Variants in TMEM232 observed in about 807,000 individuals in gnomAD.
TMEM232 encodes transmembrane protein 232.
In TMEM232, 80 loss-of-function variants were observed where a neutral mutation model predicts 78.8. The observed-to-expected ratio is 1.01, with a 90% CI of 0.85 to 1.22. The LOEUF (loss-of-function observed/expected upper bound fraction) is 1.22. Among genes scored for constraint, TMEM232 ranks in the 50% most tolerant of loss-of-function variants. The probability of loss-of-function intolerance (pLI) is 0.00; values close to 1 mark genes in which losing one functional copy is unlikely to be tolerated. For missense variants in TMEM232, 881 were observed against 742.2 expected, an observed-to-expected ratio of 1.19 and a Z score of -2.17; for synonymous variants, 297 against 254.3, an observed-to-expected ratio of 1.17 and a Z score of -1.60.
At chr5:110,542,896 T>C (rs1358430479) in intron 11 of TMEM232, among the ~76,000 whole-genome samples, 1 of 152,096 alleles carries the variant, frequency 6.6e-6, no homozygotes, top group East Asian at 1.9e-4. Context: ...CACTACTTCA[T>C]TTACATAGGG....
At position 110,606,129 on chromosome 5, in the gene TMEM232, C is replaced by T. The variant is rs749053534; in HGVS notation, c.1026+35G>A. 100 of 1,513,876 alleles carry T rather than the reference C, an allele frequency of 6.6e-5. 1 individual carries two copies. In the South Asian group the frequency reaches 1.1e-3, roughly 16 times the overall value. The allele number at this position is 1,513,876 out of a possible 1,614,324, so 93.8% of individuals were successfully genotyped here. A position where few individuals can be genotyped will look rare whatever the true frequency, so the allele number is the denominator to read the frequency against. ...GGCAAAAATAAAATCTGTTTCTCTT[C>T]GGTTCTCTTTTCACATATAAATTAG... is the stretch of plus-strand genomic sequence containing the variant. On this transcript the variant is annotated intron_variant, in intron 9 of 13. Coordinates refer to ENST00000455884, the MANE Select transcript of TMEM232 (RefSeq NM_001039763.4).
At chr5:110,672,975 A>G (rs1791556754) in intron 1 of TMEM232, among the ~76,000 whole-genome samples, 1 of 152,176 alleles carries the variant, frequency 6.6e-6, no homozygotes, top group Non-Finnish European at 1.5e-5. Flanking sequence ...AGGATTGTAA[A>G]TCATGCTGCT....
intron 6 of TMEM232, among the ~76,000 whole-genome samples, chr5:110,625,848 GTTA>G (rs1379571252): frequency 6.6e-6 from 1 of 151,716 alleles, no homozygotes; most frequent in African/African-American, 2.4e-5. Context: ...TTCTCAAGAT[GTTA>G]TTATTTACAA....
At chr5:110,734,669 G>A (rs1414112384) in intron 2 of TMEM232, among the ~76,000 whole-genome samples, 3 of 152,124 alleles carry the variant, frequency 2.0e-5, no homozygotes, top group Non-Finnish European at 4.4e-5. Context: ...TCCATTTACT[G>A]TGTGTGTCCC....
chr5:110,396,629 A>C, intron 3 of TMEM232, among the ~76,000 whole-genome samples: 1 of 152,140 alleles, frequency 6.6e-6, no homozygotes, highest in East Asian at 1.9e-4. Flanking sequence ...CAAATCAGTG[A>C]TATGTGATAA....
intron 12 of TMEM232, among the ~76,000 whole-genome samples, chr5:110,526,803 A>G (rs1360685452): frequency 6.6e-6 from 1 of 151,944 alleles, no homozygotes; most frequent in Non-Finnish European, 1.5e-5. Flanking sequence ...AACAACCCAA[A>G]GGCCAACCAA....
At chr5:110,415,905 G>A (rs1328875940), downstream of TMEM232, among the ~76,000 whole-genome samples, 2 of 152,084 alleles carry the variant, frequency 1.3e-5, no homozygotes, top group African/African-American at 4.8e-5. Context: ...CTTCGGAAAT[G>A]TTACTGGAAG....
At chr5:110,652,945 T>C (rs185598421) in intron 2 of TMEM232, among the ~76,000 whole-genome samples, 1 of 152,350 alleles carries the variant, frequency 6.6e-6, no homozygotes, top group East Asian at 1.9e-4. Flanking sequence ...TGAAGTCTCC[T>C]GGTTAAATAG....
At chr5:110,700,811 T>TAGAC (rs1795355289) in intron 1 of TMEM232, among the ~76,000 whole-genome samples, 1 of 151,610 alleles carries the variant, frequency 6.6e-6, no homozygotes, top group African/African-American at 2.4e-5. Flanking sequence ...GATAGATAGA[T>TAGAC]AGATAGATAG....
chr5:110,442,640 G>GT (rs1362827411), intron 12 of TMEM232, among the ~76,000 whole-genome samples: 1 of 151,946 alleles, frequency 6.6e-6, no homozygotes, highest in African/African-American at 2.4e-5. Context: ...TATTTAGTTT[G>GT]TTTGCTGAAG....
At chr5:110,435,925 T>G (rs1037540793) in intron 12 of TMEM232, among the ~76,000 whole-genome samples, 1 of 151,970 alleles carries the variant, frequency 6.6e-6, no homozygotes, top group Admixed American at 6.6e-5. Flanking sequence ...AATATTGGAG[T>G]GTAGATAACT....
chr5:110,706,044 T>A (rs891297833), intron 1 of TMEM232, among the ~76,000 whole-genome samples: 1 of 152,010 alleles, frequency 6.6e-6, no homozygotes, highest in African/African-American at 2.4e-5. Context: ...ACTGGCTTCA[T>A]AGGGAAGTTA....
intron 11 of TMEM232, among the ~76,000 whole-genome samples, chr5:110,544,054 G>A (rs1773480340): frequency 6.6e-6 from 1 of 151,936 alleles, no homozygotes; most frequent in Non-Finnish European, 1.5e-5. Flanking sequence ...TATTTAGCCT[G>A]GCAATGAACA....
intron 1 of TMEM232, among the ~76,000 whole-genome samples, chr5:110,714,795 A>G (rs1020901106): frequency 6.6e-6 from 1 of 152,228 alleles, no homozygotes; most frequent in Non-Finnish European, 1.5e-5. Context: ...TGAGAGATAC[A>G]AATACAATTA....
At chr5:110,596,023 A>G (rs1780116248) in intron 10 of TMEM232, among the ~76,000 whole-genome samples, 1 of 152,218 alleles carries the variant, frequency 6.6e-6, no homozygotes, top group South Asian at 2.1e-4. Context: ...GGGCAGCCAG[A>G]GAGAAAGATC....
downstream of TMEM232, among the ~76,000 whole-genome samples, chr5:110,416,997 T>A (rs1275699581): frequency 6.6e-6 from 1 of 152,158 alleles, no homozygotes; most frequent in Non-Finnish European, 1.5e-5. Flanking sequence ...ATTCTAACAC[T>A]AGTGAAACTT....
intron 3 of TMEM232, among the ~76,000 whole-genome samples, chr5:110,392,514 T>C (rs1042046686): frequency 6.6e-6 from 1 of 152,214 alleles, no homozygotes; most frequent in African/African-American, 2.4e-5. Context: ...TAATGGAGAC[T>C]GAGAAGTCCA....
rs146718781 is a variant in TMEM232 at position 110,408,263 on chromosome 5, A to G, written n.309-10409T>C. Among the ~76,000 whole-genome samples, 929 of 152,274 alleles carry G rather than the reference A, an allele frequency of 6.1e-3. 3 individuals carry two copies. Among genetic ancestry groups the G allele is most frequent in the Non-Finnish European group, 0.011 (735 of 68,010 alleles). On this transcript the variant is annotated intron_variant and non_coding_transcript_variant, in intron 2 of 8. Transcript: ENST00000507188. ...ATTAGTAGAAGGAAAATAATAATAAAGATCAGAGCAGAAATAAATGAAACT... is the reference window on the plus strand; with the variant it reads ...ATTAGTAGAAGGAAAATAATAATAAGGATCAGAGCAGAAATAAATGAAACT...
chr5:110,570,928 T>A (rs1012103284), intron 10 of TMEM232, among the ~76,000 whole-genome samples: 1 of 152,016 alleles, frequency 6.6e-6, no homozygotes, highest in African/African-American at 2.4e-5. Flanking sequence ...CCCCTCTTGC[T>A]AATACACTAC....
Sources: allele counts gnomAD v4.1 joint callset (sites outside exome capture counted in the v4.1 genomes callset), GRCh38; gene constraint gnomAD v4.1.1; transcripts MANE v1.5; gene names NCBI Gene and HGNC (gene_info 2026-07-23, HGNC 2026-07-21).